Variants in KCNN2 observed in about 807,000 individuals in gnomAD.
KCNN2 encodes the protein potassium calcium-activated channel subfamily N member 2.
In KCNN2, 24 loss-of-function variants were observed where a neutral mutation model predicts 55.5. The observed-to-expected ratio is 0.43, with a 90% CI of 0.31 to 0.61. The LOEUF is 0.61. Ranked by LOEUF, KCNN2 falls within the 20% of genes least tolerant of loss-of-function variation. The pLI is 0.08. For synonymous variants in KCNN2, 431 were observed against 336.1 expected (o/e 1.28, Z -3.09); for missense variants, 754 against 853.6 (o/e 0.88, Z 1.45).
chr5:114,300,643 T>C (rs1461789864), intron 2 of KCNN2, among the ~76,000 whole-genome samples: 1 of 152,234 alleles, frequency 6.6e-6, no homozygotes, highest in Non-Finnish European at 1.5e-5. Flanking sequence ...TTCTCAGTTA[T>C]TTGCTTTTGT....
chr5:114,335,565 T>C (rs1214598707), intron 2 of KCNN2, among the ~76,000 whole-genome samples: 1 of 152,110 alleles, frequency 6.6e-6, no homozygotes, highest in Admixed American at 6.5e-5. Context: ...ATCCATTGGG[T>C]GGTACATACT....
intron 2 of KCNN2, among the ~76,000 whole-genome samples, chr5:114,368,991 A>T (rs1176658103): frequency 6.6e-6 from 1 of 152,132 alleles, no homozygotes; most frequent in Non-Finnish European, 1.5e-5. Flanking sequence ...GTTACAAGTA[A>T]TATTAAAATG....
intron 3 of KCNN2, among the ~76,000 whole-genome samples, chr5:114,432,830 C>T (rs528562542): frequency 3.0e-4 from 45 of 152,334 alleles, no homozygotes; most frequent in Middle Eastern, 3.4e-3. Context: ...CCTGGGCCAG[C>T]GGCTGCGGTG....
intron 2 of KCNN2, among the ~76,000 whole-genome samples, chr5:114,326,601 G>T (rs1468265119): frequency 1.3e-5 from 2 of 152,132 alleles, no homozygotes; most frequent in Non-Finnish European, 2.9e-5. Context: ...ACCAAACCTT[G>T]CCACACCATG....
intron 2 of KCNN2, among the ~76,000 whole-genome samples, chr5:114,244,681 G>A (rs1288294830): frequency 2.6e-5 from 4 of 152,040 alleles, no homozygotes; most frequent in African/African-American, 9.7e-5. Flanking sequence ...AAAGGTCTGT[G>A]GGCTTCTTTA....
At chr5:114,320,206 C>G (rs1171788568) in intron 2 of KCNN2, among the ~76,000 whole-genome samples, 1 of 152,014 alleles carries the variant, frequency 6.6e-6, no homozygotes, top group Non-Finnish European at 1.5e-5. Flanking sequence ...ATCAACATAC[C>G]CTGTCCTTCC....
chr5:114,100,448 A>G (rs1035238005), intron 1 of KCNN2, among the ~76,000 whole-genome samples: 4 of 152,144 alleles, frequency 2.6e-5, no homozygotes, highest in Non-Finnish European at 5.9e-5. Flanking sequence ...GGATTAATCA[A>G]GGAACTAAGT....
intron 2 of KCNN2, among the ~76,000 whole-genome samples, chr5:114,272,564 A>C (rs1057331688): frequency 6.6e-6 from 1 of 152,138 alleles, no homozygotes; most frequent in East Asian, 1.9e-4. Flanking sequence ...GGCTAATACT[A>C]AATGCTCTAT....
At chr5:114,451,430 C>T (rs1760672559) in intron 3 of KCNN2, among the ~76,000 whole-genome samples, 1 of 152,056 alleles carries the variant, frequency 6.6e-6, no homozygotes, top group African/African-American at 2.4e-5. Flanking sequence ...CATGCCCCGC[C>T]AAACATACGC....
intron 3 of KCNN2, among the ~76,000 whole-genome samples, chr5:114,457,910 C>A (rs570321472): frequency 6.6e-6 from 1 of 152,312 alleles, no homozygotes; most frequent in South Asian, 2.1e-4. Context: ...GTCTTGATAA[C>A]CATTGTATCA....
intron 5 of KCNN2, among the ~76,000 whole-genome samples, chr5:114,477,021 G>A (rs903627441): frequency 2.6e-5 from 4 of 152,182 alleles, no homozygotes; most frequent in African/African-American, 9.7e-5. Context: ...AATGCTGAAT[G>A]ATTTGTGAAT....
At chr5:114,271,924 T>G (rs1755346966) in intron 2 of KCNN2, among the ~76,000 whole-genome samples, 1 of 152,168 alleles carries the variant, frequency 6.6e-6, no homozygotes, top group Admixed American at 6.6e-5. Context: ...GAGGAACTAT[T>G]GTGCTAATGA....
chr5:114,306,398 G>T (rs3112742), intron 2 of KCNN2, among the ~76,000 whole-genome samples: 9 of 152,178 alleles, frequency 5.9e-5, no homozygotes, highest in Non-Finnish European at 1.3e-4. Flanking sequence ...AAAGTCCCTG[G>T]TAGTGATACT....
At chr5:114,278,000 T>C (rs1755528137) in intron 2 of KCNN2, among the ~76,000 whole-genome samples, 1 of 152,226 alleles carries the variant, frequency 6.6e-6, no homozygotes, top group Non-Finnish European at 1.5e-5. Flanking sequence ...TCTTTGGTGT[T>C]GGTGACCTAT....
At chr5:114,057,372 A>G (rs1750233451) in intron 1 of KCNN2, among the ~76,000 whole-genome samples, 1 of 152,236 alleles carries the variant, frequency 6.6e-6, no homozygotes, top group Non-Finnish European at 1.5e-5. Context: ...CAGATGGGGT[A>G]ACTCAGAAAC....
chr5:114,072,339 A>C (rs1183530741), intron 1 of KCNN2, among the ~76,000 whole-genome samples: 2 of 150,786 alleles, frequency 1.3e-5, no homozygotes, highest in Non-Finnish European at 3.0e-5. Flanking sequence ...GTTCACCCTC[A>C]CCCTCTTTTG....
At chr5:114,358,093 G>A (rs139176229), upstream of KCNN2, among the ~76,000 whole-genome samples, 513 of 150,588 alleles carry the variant, frequency 3.4e-3, 2 homozygotes, top group Non-Finnish European at 4.6e-3. Context: ...CTGCATAAAT[G>A]TCTTCCTTTA....
Position 114,065,712 on chromosome 5 carries a change from G to T in KCNN2, c.-271+9212G>T, listed in dbSNP as rs113229013. Among the ~76,000 whole-genome samples the T allele has an allele frequency of 1.8e-4, 28 of 152,138 alleles. 1 individual carries two copies. Among genetic ancestry groups the T allele is most frequent in the African/African-American group, 6.7e-4 (28 of 41,500 alleles). On this transcript the variant is annotated intron_variant, in intron 1 of 10. Transcript: ENST00000512097. The stretch of plus-strand genomic sequence containing the variant: ...CTTTCATCTGCAGCTCCAAGGATTT[G>T]GTTCTTATTTTACTATTTTACAGAG...
chr5:114,345,812 G>C (rs1223298244), intron 2 of KCNN2, among the ~76,000 whole-genome samples: 3 of 151,964 alleles, frequency 2.0e-5, no homozygotes, highest in Admixed American at 1.3e-4. Flanking sequence ...ATGGAGTTTC[G>C]CTCTGTCACC....
Sources: gnomAD v4.1 joint callset for allele counts (sites outside exome capture counted in the v4.1 genomes callset) on GRCh38, gnomAD v4.1.1 for gene constraint, MANE v1.5 for transcripts, NCBI Gene and HGNC (gene_info 2026-07-23, HGNC 2026-07-21) for gene names.